GRINA: variants seen among roughly 807,000 people sequenced by gnomAD.
GRINA encodes the protein protein lifeguard 1.
In GRINA, 26 loss-of-function variants were observed where a neutral mutation model predicts 42.5. The ratio of observed to expected loss-of-function variants is 0.61; its 90% confidence interval spans 0.45 to 0.85. The LOEUF is 0.85. Among genes scored for constraint, GRINA ranks in the 40% least tolerant of loss-of-function variants. The pLI is 0.00. For missense variants in GRINA, 475 were observed against 481.5 expected, an observed-to-expected ratio of 0.99 and a Z score of 0.13; for synonymous variants, 256 against 204.2, an observed-to-expected ratio of 1.25 and a Z score of -2.17.
chr8:143,993,152 G>A lies in GRINA; in HGVS notation c.*311G>A. 2.7e-6 allele frequency: 1 copy of A among 363,646 alleles called. No homozygotes were observed. Among genetic ancestry groups the A allele is most frequent in the Non-Finnish European group, 5.2e-6 (1 of 193,984 alleles). The allele number at this position is 363,646 out of a possible 1,614,324, so 22.5% of individuals were successfully genotyped here. The stretch of plus-strand genomic sequence containing the variant: ...CAGCCCACCCCAGGGACTGGGGGCA[G>A]CACCAGGTCCCGGGGAGAGGGATTG... On this transcript the variant is annotated 3_prime_UTR_variant, in exon 7 of 7. Coordinates refer to ENST00000395068, the MANE Select transcript of GRINA (RefSeq NM_001009184.2).
chr8:143,992,195 G>T lies in GRINA; in HGVS notation c.694-50G>T. Reference sequence around the variant, plus strand: ...TGCTCATGAGGCAGGGGCCGGCAGGGGTGGCATGGGGGCACACACCCAAGG... The same window carrying T: ...TGCTCATGAGGCAGGGGCCGGCAGGTGTGGCATGGGGGCACACACCCAAGG... On this transcript the variant is annotated intron_variant, in intron 4 of 6. Coordinates refer to ENST00000395068, the MANE Select transcript of GRINA (RefSeq NM_001009184.2). The T allele has an allele frequency of 6.2e-7, 1 of 1,600,636 alleles. No individual in the cohort carries two copies. Among genetic ancestry groups the T allele is most frequent in the Non-Finnish European group, 8.5e-7 (1 of 1,172,160 alleles).
In GRINA at chr8:143,991,941, G is replaced by T. The variant is rs1202070409; in HGVS notation, c.556G>T (p.Val186Phe). 1 of 1,613,764 alleles carries T rather than the reference G, an allele frequency of 6.2e-7. No homozygotes were observed. The highest frequency in any genetic ancestry group is 8.5e-7 in the Non-Finnish European group (1 of 1,179,888). The stretch of plus-strand genomic sequence containing the variant: ...GTCCACGGTGTCTGTGTTCACTTTT[G>T]TTGCGGAGGTGAAGGGCTTTGTCCG... Reference protein sequence around the residue: ...TLSTVSVFTFVAEVKGFVREN... With the variant: ...TLSTVSVFTFFAEVKGFVREN... Residue 186 changes from valine (V) to phenylalanine (F), a missense_variant, in exon 4 of 7, where the codon GTT becomes TTT. Coordinates refer to ENST00000395068, the MANE Select transcript of GRINA (RefSeq NM_001009184.2).
chr8:143,991,587 G>A lies in GRINA; in HGVS notation c.364G>A (p.Gly122Arg). The A allele has an allele frequency of 6.2e-7, 1 of 1,603,924 alleles. No individual in the cohort carries two copies. Among genetic ancestry groups the A allele is most frequent in the Non-Finnish European group, 8.5e-7 (1 of 1,172,706 alleles). The change falls in exon 2 of 7, where the codon GGA (glycine) becomes AGA (arginine). Residue 122 changes from glycine to arginine, a missense_variant. This residue lies in a region of GRINA where 321 missense variants were observed against 267.2 expected (regional missense o/e 1.20). Transcript: ENST00000395068. ...CTATGGACAGCCACAGGTCTTCCCAGGACAAGACCCTGACTGTGAGTCTCA... is the reference window on the plus strand; with the variant it reads ...CTATGGACAGCCACAGGTCTTCCCAAGACAAGACCCTGACTGTGAGTCTCA... ...NPYGQPQVFP[G>R]QDPDSPQHGN...
rs782440262 is a variant in GRINA at position 143,991,746 on chromosome 8, A to G, written c.434A>G (p.Gln145Arg). Residue 145 changes from glutamine to arginine, a missense_variant, in exon 3 of 7, where the codon CAG becomes CGG. Physicochemically the swap from Gln to Arg is conservative, Grantham distance 43 (BLOSUM62 1). Around this residue, in one of 2 missense-constraint regions of GRINA, gnomAD observed 321 missense variants for 267.2 expected, o/e 1.20. Transcript: ENST00000395068. ...EEGPPSYYDN[Q>R]DFPATNWDDK... is the part of the protein sequence containing the mutation. ...GGTCCCCCATCCTACTATGACAACCAGGACTTCCCTGCCACCAACTGGGAT... is the reference window on the plus strand; with the variant it reads ...GGTCCCCCATCCTACTATGACAACCGGGACTTCCCTGCCACCAACTGGGAT... 6 of 1,613,928 alleles carry G rather than the reference A, an allele frequency of 3.7e-6. No individual in the cohort carries two copies. The highest frequency in any genetic ancestry group is 4.2e-6 in the Non-Finnish European group (5 of 1,179,834).
intron 2 of GRINA, 27 bp from the exon 3 acceptor site, chr8:143,991,665 C>A: frequency 6.3e-7 from 1 of 1,590,354 alleles, no homozygotes; most frequent in Non-Finnish European, 8.6e-7. Context: ...TTGTGAGTGG[C>A]GCTGACCCAG....
At chr8:143,992,103 T>A in intron 4 of GRINA, 25 bp downstream of exon 4, 1 of 1,611,422 alleles carries the variant, frequency 6.2e-7, no homozygotes, top group Non-Finnish European at 8.5e-7. Flanking sequence ...TGAGCCTCTG[T>A]GCCTGGGTCC....
In GRINA at chr8:143,991,505, C is replaced by A; in HGVS notation, c.282C>A (p.Tyr94Ter). 6.5e-7 allele frequency: 1 copy of A among 1,538,628 alleles called. No homozygotes were observed. The highest frequency in any genetic ancestry group is 8.7e-7 in the Non-Finnish European group (1 of 1,146,122). ...AAGAGGGCTACCCACAGGGCCCCTA[C>A]CCCCAAGGGGGCTACCCCCAGGGGC... ...YPQEGYPQGP[Y>*]PQGGYPQGPY... The change falls in exon 2 of 7, where the codon TAC (tyrosine) becomes TAA (stop). Residue 94 changes from tyrosine (Y) to a stop codon, truncating the protein, a stop_gained. Transcript: ENST00000395068. LOFTEE classifies it high-confidence loss of function.
chr8:143,993,231 C>T lies in GRINA; in HGVS notation c.*390C>T, dbSNP rs565114785. 3.1e-5 allele frequency: 8 copies of T among 254,240 alleles called. No homozygotes were observed. Among genetic ancestry groups the T allele is most frequent in the South Asian group, 4.8e-5 (1 of 21,010 alleles). The allele number at this position is 254,240 out of a possible 1,614,324, so 15.7% of individuals were successfully genotyped here. A position where few individuals can be genotyped will look rare whatever the true frequency, so the allele number is the denominator to read the frequency against. On this transcript the variant is annotated 3_prime_UTR_variant, in exon 7 of 7. Transcript: ENST00000395068. ...CTCCTGTCCCAGCTCCCCAGCCTGG[C>T]GTAGAGCACCCCTCCCCTCCCCCCC...
chr8:143,992,698 G>C lies in GRINA; in HGVS notation c.973G>C (p.Ala325Pro). 1 of 1,613,944 alleles carries C rather than the reference G, an allele frequency of 6.2e-7. No homozygotes were observed. The highest frequency in any genetic ancestry group is 8.5e-7 in the Non-Finnish European group (1 of 1,179,956). Residue 325 changes from alanine (A) to proline (P), a missense_variant, in exon 7 of 7, where the codon GCA becomes CCA. Around this residue, in one of 2 missense-constraint regions of GRINA, gnomAD observed 154 missense variants for 214.2 expected, o/e 0.72. Coordinates refer to ENST00000395068, the MANE Select transcript of GRINA (RefSeq NM_001009184.2). ...LGALLFTCFL[A>P]VDTQLLLGNK... is the part of the protein sequence containing the mutation. ...ACTGTGCTGTCACCTCCAGTTCCTC[G>C]CAGTGGACACCCAGCTGCTACTGGG...
chr8:143,991,779 G>A lies in GRINA; in HGVS notation c.467G>A (p.Ser156Asn). Reference protein sequence around the residue: ...DFPATNWDDKSIRQAFIRKVF... With the variant: ...DFPATNWDDKNIRQAFIRKVF... Reference sequence around the variant, plus strand: ...CCTGCCACCAACTGGGATGACAAGAGCATCCGACAGGCCTTCATCCGCAAG... The same window carrying A: ...CCTGCCACCAACTGGGATGACAAGAACATCCGACAGGCCTTCATCCGCAAG... Residue 156 changes from serine to asparagine, a missense_variant, in exon 3 of 7, where the codon AGC becomes AAC. By Grantham distance (46) the Ser-to-Asn change is conservative. Coordinates refer to ENST00000395068, the MANE Select transcript of GRINA (RefSeq NM_001009184.2). 3.1e-6 allele frequency: 5 copies of A among 1,613,172 alleles called. No individual in the cohort carries two copies. Among genetic ancestry groups the A allele is most frequent in the Non-Finnish European group, 4.2e-6 (5 of 1,179,124 alleles).
rs1834072031 is a variant in GRINA at position 143,990,460 on chromosome 8, G to C, written c.-25+261G>C. ...TGGACCCGTGACCCTGTGCGCCCCC[G>C]GCCCGCGGAGGGCCCATCCGCTCTC... On this transcript the variant is annotated intron_variant, in intron 1 of 6. Transcript: ENST00000395068. This position sits in a 1 kb window ranked among gnomAD's most constrained non-coding sequence, Gnocchi z 5.6. The C allele has an allele frequency of 6.6e-6, 1 of 151,822 alleles. No homozygotes were observed. The highest frequency in any genetic ancestry group is 1.5e-5 in the Non-Finnish European group (1 of 67,914). The allele number at this position is 151,822 out of a possible 1,614,324, so 9.4% of individuals were successfully genotyped here.
Position 143,991,442 on chromosome 8 carries a change from C to T in GRINA, c.219C>T (p.Pro73=), listed in dbSNP as rs1554750451. 4 of 1,466,230 alleles carry T rather than the reference C, an allele frequency of 2.7e-6. No homozygotes were observed. The highest frequency in any genetic ancestry group is 2.5e-4 in the Middle Eastern group (1 of 4,080). 90.8% of individuals were successfully genotyped at this position (1,466,230 alleles called of 1,614,324 possible). A position where few individuals can be genotyped will look rare whatever the true frequency, so the allele number is the denominator to read the frequency against. Residue 73 remains proline (P), a synonymous_variant, in exon 2 of 7, where the codon CCC becomes CCT. Coordinates refer to ENST00000395068, the MANE Select transcript of GRINA (RefSeq NM_001009184.2). ...CCCAAGGGGGCTACCCACAGGGTCC[C>T]TACCCCCAAGGGGGCTACCCACAGG... The part of the protein sequence containing the change: ...PYPQGGYPQG[P]YPQGGYPQGP...
In GRINA at chr8:143,992,849, C is replaced by G. The variant is rs2133067069; in HGVS notation, c.*8C>G. ...GGCCGCGCCAAGGAGTAGCCGAGCT[C>G]CAGCTCGCTGTGCCCGCTCAGGTGG... is the stretch of plus-strand genomic sequence containing the variant. On this transcript the variant is annotated 3_prime_UTR_variant, in exon 7 of 7. Transcript: ENST00000395068. 1 of 1,612,118 alleles carries G rather than the reference C, an allele frequency of 6.2e-7. No individual in the cohort carries two copies. Among genetic ancestry groups the G allele is most frequent in the Non-Finnish European group, 8.5e-7 (1 of 1,179,210 alleles).
At chr8:143,991,142 G>A in intron 1 of GRINA, 58 bp from the exon 2 acceptor site, 1 of 922,248 alleles carries the variant, frequency 1.1e-6, no homozygotes, top group Non-Finnish European at 1.6e-6. Flanking sequence ...GCGCAGGGCT[G>A]GGTCCCGACG....
rs782158744 is a variant in GRINA, at chr8:143,991,708, C to T, written c.396C>T (p.Asn132=). ...GCTTCTCAGCACCCCAGCATGGAAA[C>T]TACCAGGAGGAGGGTCCCCCATCCT... is the stretch of plus-strand genomic sequence containing the variant. ...GQDPDSPQHG[N]YQEEGPPSYY... Residue 132 remains asparagine, a synonymous_variant, in exon 3 of 7, where the codon AAC becomes AAT. Coordinates refer to ENST00000395068, the MANE Select transcript of GRINA (RefSeq NM_001009184.2). 2 of 1,613,062 alleles carry T rather than the reference C, an allele frequency of 1.2e-6. No individual in the cohort carries two copies. Among genetic ancestry groups the T allele is most frequent in the Admixed American group, 1.7e-5 (1 of 60,018 alleles).
Position 143,991,875 on chromosome 8 carries a change from C to T in GRINA, c.493-3C>T, listed in dbSNP as rs782027669. 1.2e-6 allele frequency: 2 copies of T among 1,610,668 alleles called. No homozygotes were observed. Among genetic ancestry groups the T allele is most frequent in the Non-Finnish European group, 8.5e-7 (1 of 1,177,778 alleles). ...GGATGACTCTGAGCGGCTCCTTCCCCAGGTGTTCCTAGTGCTGACCTTGCA... is the reference window on the plus strand; with the variant it reads ...GGATGACTCTGAGCGGCTCCTTCCCTAGGTGTTCCTAGTGCTGACCTTGCA... On this transcript the variant is annotated splice_region_variant and splice_polypyrimidine_tract_variant and intron_variant, in intron 3 of 6. Transcript: ENST00000395068.
chr8:143,991,210 C>A lies in GRINA; in HGVS notation c.-14C>A. On this transcript the variant is annotated 5_prime_UTR_variant, in exon 2 of 7. Coordinates refer to ENST00000395068, the MANE Select transcript of GRINA (RefSeq NM_001009184.2). ...GTCTGTCTTCTCTAGGGGCGGACCGCGGAACCCGAGGCCATGTCCCATGAA... is the reference window on the plus strand; with the variant it reads ...GTCTGTCTTCTCTAGGGGCGGACCGAGGAACCCGAGGCCATGTCCCATGAA... The A allele has an allele frequency of 6.4e-7, 1 of 1,557,530 alleles. No homozygotes were observed. The highest frequency in any genetic ancestry group is 1.9e-5 in the Admixed American group (1 of 51,922).
In GRINA at chr8:143,992,337, A is replaced by G. The variant is rs781952421; in HGVS notation, c.786A>G (p.Thr262=). Residue 262 remains threonine (T), a synonymous_variant, in exon 5 of 7, where the codon ACA becomes ACG. Coordinates refer to ENST00000395068, the MANE Select transcript of GRINA (RefSeq NM_001009184.2). Reference sequence around the variant, plus strand: ...TCATCATGGCCGTGGGCATCACCACAGCCGTCTGCTTCACCGTCGTCATCT... The same window carrying G: ...TCATCATGGCCGTGGGCATCACCACGGCCGTCTGCTTCACCGTCGTCATCT... ...EAVIMAVGIT[T]AVCFTVVIFS... The G allele has an allele frequency of 3.1e-6, 5 of 1,590,808 alleles. No individual in the cohort carries two copies. In the African/African-American group the frequency reaches 4.0e-5, roughly 13 times the overall value.
Position 143,992,688 on chromosome 8 carries a change from C to G in GRINA, c.967-4C>G, listed in dbSNP as rs782642122. On this transcript the variant is annotated splice_region_variant and splice_polypyrimidine_tract_variant and intron_variant, in intron 6 of 6. Transcript: ENST00000395068. ...CCTCAACACCACTGTGCTGTCACCT[C>G]CAGTTCCTCGCAGTGGACACCCAGC... is the stretch of plus-strand genomic sequence containing the variant. 3.7e-6 allele frequency: 6 copies of G among 1,613,930 alleles called. No individual in the cohort carries two copies. Among genetic ancestry groups the G allele is most frequent in the African/African-American group, 2.7e-5 (2 of 75,068 alleles).
Sources: gnomAD v4.1 joint callset for allele counts on GRCh38, gnomAD v4.1.1 for gene constraint, gnomAD v4.1.1 regional missense constraint, Gnocchi (gnomAD v3.1) non-coding constraint, MANE v1.5 for transcripts, NCBI Gene and HGNC (gene_info 2026-07-23, HGNC 2026-07-21) for gene names.